The following IL34 variants were observed in gnomAD, a reference collection of about 807,000 sequenced individuals.
IL34 encodes interleukin-34.
In IL34, 17 loss-of-function variants were observed where a neutral mutation model predicts 25.3. The observed-to-expected ratio is 0.67, with a 90% CI of 0.46 to 1.01. The LOEUF (loss-of-function observed/expected upper bound fraction) is 1.01. Ranked by LOEUF, IL34 falls within the 50% of genes least tolerant of loss-of-function variation. The probability of loss-of-function intolerance (pLI) is 0.00; values close to 1 mark genes in which losing one functional copy is unlikely to be tolerated. For missense variants in IL34, 368 were observed against 312.9 expected, an observed-to-expected ratio of 1.18 and a Z score of -1.33; for synonymous variants, 174 against 140.9, an observed-to-expected ratio of 1.23 and a Z score of -1.66.
chr16:70,617,715 T>G (rs1297057899), intron 1 of IL34, among the ~76,000 whole-genome samples: 2 of 151,680 alleles, frequency 1.3e-5, no homozygotes, highest in Non-Finnish European at 2.9e-5. Context: ...TCTACTTTTC[T>G]TGAAGACGGA....
chr16:70,627,464 C>T (rs369693578), intron 1 of IL34, among the ~76,000 whole-genome samples: 1 of 147,772 alleles, frequency 6.8e-6, no homozygotes, highest in Non-Finnish European at 1.5e-5. Flanking sequence ...CCCTCCTCCC[C>T]CTTCCCTCCC....
intron 1 of IL34, among the ~76,000 whole-genome samples, chr16:70,584,231 C>T (rs1333077893): frequency 1.3e-5 from 2 of 152,170 alleles, no homozygotes; most frequent in East Asian, 1.9e-4. Flanking sequence ...GTGAGGGCCA[C>T]GTCTCATAAG....
chr16:70,645,792 G>A (rs1223458850), upstream of IL34, among the ~76,000 whole-genome samples: 1 of 152,166 alleles, frequency 6.6e-6, no homozygotes, highest in Non-Finnish European at 1.5e-5. Flanking sequence ...GGTGGCTCAC[G>A]CCTGTAATCC....
At chr16:70,626,126 T>C (rs1478992005) in intron 1 of IL34, among the ~76,000 whole-genome samples, 1 of 152,240 alleles carries the variant, frequency 6.6e-6, no homozygotes, top group Non-Finnish European at 1.5e-5. Flanking sequence ...CAGCCTGTTT[T>C]GCTTATTTTT....
chr16:70,655,893 C>T (rs1204938821), intron 2 of IL34, among the ~76,000 whole-genome samples: 25 of 152,142 alleles, frequency 1.6e-4, no homozygotes, highest in Non-Finnish European at 2.9e-5. Context: ...TTTATTTTAA[C>T]AGCTTTACTG....
chr16:70,640,929 GTACA>G (rs2051767329), intron 1 of IL34, among the ~76,000 whole-genome samples: 2 of 152,018 alleles, frequency 1.3e-5, no homozygotes, highest in African/African-American at 2.4e-5. Flanking sequence ...AAGGCTGAAT[GTACA>G]TACAGGGTAT....
chr16:70,622,931 C>G (rs1003670877), intron 1 of IL34, among the ~76,000 whole-genome samples: 5 of 151,996 alleles, frequency 3.3e-5, no homozygotes, highest in Non-Finnish European at 7.4e-5. Context: ...ATTGTTTGGA[C>G]AGAAAGGCTA....
chr16:70,642,412 C>G (rs2051807919), upstream of IL34, among the ~76,000 whole-genome samples: 1 of 151,768 alleles, frequency 6.6e-6, no homozygotes, highest in Non-Finnish European at 1.5e-5. Context: ...ATTCTCCTGC[C>G]TCAGCCTCCT....
intron 1 of IL34, among the ~76,000 whole-genome samples, chr16:70,598,124 G>A (rs776719320): frequency 2.6e-5 from 4 of 152,128 alleles, no homozygotes; most frequent in Non-Finnish European, 4.4e-5. Context: ...GGTATTACAG[G>A]CATAAGGCAC....
upstream of IL34, among the ~76,000 whole-genome samples, chr16:70,643,017 G>A (rs2051822890): frequency 6.6e-6 from 1 of 151,934 alleles, no homozygotes; most frequent in Non-Finnish European, 1.5e-5. Context: ...GCACAACTTA[G>A]TACACTAAAA....
chr16:70,600,845 C>T (rs908553602), intron 1 of IL34, among the ~76,000 whole-genome samples: 4 of 145,194 alleles, frequency 2.8e-5, no homozygotes, highest in East Asian at 2.0e-4. Flanking sequence ...GCAGGGGATG[C>T]GGGAGAAATG....
Position 70,624,213 on chromosome 16 carries a change from T to C in IL34, c.-400-22335T>C, listed in dbSNP as rs548344996. On this transcript the variant is annotated intron_variant, in intron 1 of 6. Transcript: ENST00000429149. ...GGAATCCCGGGCTGCCGGCATTCCTTGGCCCAGTGGCCAGATTTCCGGCAC... is the reference window on the plus strand; with the variant it reads ...GGAATCCCGGGCTGCCGGCATTCCTCGGCCCAGTGGCCAGATTTCCGGCAC... Among the ~76,000 whole-genome samples the C allele has an allele frequency of 6.6e-5, 10 of 152,016 alleles. No homozygotes were observed. In the East Asian group the frequency reaches 1.5e-3, roughly 23 times the overall value.
intron 4 of IL34, among the ~76,000 whole-genome samples, chr16:70,657,657 C>T (rs1293865649): frequency 1.3e-5 from 2 of 152,138 alleles, no homozygotes; most frequent in African/African-American, 4.8e-5. Flanking sequence ...CACCTGTTAT[C>T]CCAGCTACTC....
intron 1 of IL34, among the ~76,000 whole-genome samples, chr16:70,593,535 T>C (rs1201396067): frequency 6.8e-6 from 1 of 147,704 alleles, no homozygotes; most frequent in African/African-American, 2.4e-5. Context: ...TGTTATTTTT[T>C]GAGACAGGAT....
chr16:70,611,941 A>G (rs2051097246), intron 1 of IL34, among the ~76,000 whole-genome samples: 1 of 152,122 alleles, frequency 6.6e-6, no homozygotes, highest in Admixed American at 6.5e-5. Context: ...AGATTGGAGG[A>G]TTGCCTGAGC....
chr16:70,637,966 G>A (rs2051694365), intron 1 of IL34, among the ~76,000 whole-genome samples: 1 of 152,052 alleles, frequency 6.6e-6, no homozygotes, highest in Admixed American at 6.6e-5. Flanking sequence ...GTTTTGTTTT[G>A]TTTTGTTTTT....
At chr16:70,635,804 T>C (rs12102523) in intron 1 of IL34, among the ~76,000 whole-genome samples, 14,003 of 152,236 alleles carry the variant, frequency 0.092, 2,128 homozygotes, top group African/African-American at 0.32. Context: ...TGAGTAATTA[T>C]AACAATAGCA....
At chr16:70,610,045 T>C (rs926839116) in intron 1 of IL34, among the ~76,000 whole-genome samples, 1 of 151,812 alleles carries the variant, frequency 6.6e-6, no homozygotes, top group Non-Finnish European at 1.5e-5. Flanking sequence ...CTACTAAAAA[T>C]ACAAAAATTA....
rs1393428416 is a variant in IL34 at position 70,660,336 on chromosome 16, G to GCC, written c.*150_*151dup. ...GTTTTTCCTTTGAGGGGGATTCTGT[G>GCC]CCACAGCAGGGCTCAGCTTCCTGCC... On this transcript the variant is annotated 3_prime_UTR_variant, in exon 6 of 6. Coordinates refer to ENST00000288098, the MANE Select transcript of IL34 (RefSeq NM_001393494.1). 2.9e-6 allele frequency: 2 copies of GCC among 684,552 alleles called. No homozygotes were observed. Among genetic ancestry groups the GCC allele is most frequent in the Non-Finnish European group, 4.6e-6 (2 of 433,814 alleles). The allele number at this position is 684,552 out of a possible 1,614,324, so 42.4% of individuals were successfully genotyped here.
Sources: allele counts gnomAD v4.1 joint callset (sites outside exome capture counted in the v4.1 genomes callset), GRCh38; gene constraint gnomAD v4.1.1; transcripts MANE v1.5; gene names NCBI Gene and HGNC (gene_info 2026-07-23, HGNC 2026-07-21).